EPS8: variants seen among roughly 807,000 people sequenced by gnomAD.
EPS8 encodes the protein EGFR pathway substrate 8, signaling adaptor.
Under a neutral mutation model 103.8 loss-of-function variants are expected in EPS8, and 42 were observed. The observed-to-expected ratio is 0.40, with a 90% CI of 0.32 to 0.52. The LOEUF (loss-of-function observed/expected upper bound fraction) is 0.52. Ranked by LOEUF, EPS8 falls within the 20% of genes least tolerant of loss-of-function variation. EPS8 has a pLI of 0.40. For synonymous variants in EPS8, 344 were observed against 344.6 expected (o/e 1.00, Z 0.02); for missense variants, 969 against 1,005.1 (o/e 0.96, Z 0.49).
chr12:15,774,665 C>CAT (rs969559605), intron 1 of EPS8, among the ~76,000 whole-genome samples: 1 of 146,416 alleles, frequency 6.8e-6, no homozygotes, highest in Non-Finnish European at 1.5e-5. Context: ...TATATACACA[C>CAT]ATATATATAT....
In EPS8 at chr12:15,682,984, A is replaced by AAGACACAT; in HGVS notation, c.-21-20_-21-13dup. Reference sequence around the variant, plus strand: ...TTCACTTGTGTGTTCTAAAAAAAGAAAGACACATAGATTAAAGGCAATAAA... The same window carrying AAGACACAT: ...TTCACTTGTGTGTTCTAAAAAAAGAAAGACACATAGACACATAGATTAAAGGCAATAAA... On this transcript the variant is annotated splice_polypyrimidine_tract_variant and intron_variant, in intron 1 of 20. Transcript: ENST00000281172. 6.8e-7 allele frequency: 1 copy of AAGACACAT among 1,461,922 alleles called. No homozygotes were observed. Among genetic ancestry groups the AAGACACAT allele is most frequent in the Non-Finnish European group, 9.4e-7 (1 of 1,068,430 alleles). The allele number at this position is 1,461,922 out of a possible 1,614,324, so 90.6% of individuals were successfully genotyped here.
rs1289619401 is a variant in EPS8, at chr12:15,631,464, T to C, written c.2022A>G (p.Arg674=). 4 of 1,614,050 alleles carry C rather than the reference T, an allele frequency of 2.5e-6. No individual in the cohort carries two copies. Among genetic ancestry groups the C allele is most frequent in the Non-Finnish European group, 3.4e-6 (4 of 1,179,940 alleles). ...SGGSIVRDSQ[R]HKQLPVDRRK... is the part of the protein sequence containing the mutation. ...TACGGTCCACCGGAAGTTGTTTGTG[T>C]CTCTGGCTGTCTCGCACGATACTGC... is the stretch of plus-strand genomic sequence containing the variant. Residue 674 remains arginine, a synonymous_variant, in exon 18 of 21, where the codon AGA becomes AGG. Coordinates refer to ENST00000281172, the MANE Select transcript of EPS8 (RefSeq NM_004447.6).
intron 6 of EPS8, among the ~76,000 whole-genome samples, chr12:15,666,898 A>C (rs1945722863): frequency 6.6e-6 from 1 of 152,172 alleles, no homozygotes; most frequent in Non-Finnish European, 1.5e-5. Context: ...CATCCTCAAG[A>C]TCCACTGGAC....
intron 15 of EPS8, among the ~76,000 whole-genome samples, chr12:15,644,138 T>A (rs1945279417): frequency 1.3e-5 from 2 of 152,326 alleles, no homozygotes. Context: ...TATGCTTCTG[T>A]AACAATAGCT....
At chr12:15,722,122 C>T (rs939310887) in intron 1 of EPS8, among the ~76,000 whole-genome samples, 24 of 151,432 alleles carry the variant, frequency 1.6e-4, no homozygotes, top group African/African-American at 4.6e-4. Flanking sequence ...CTTTTGGCTT[C>T]CCTGGGCTAC....
Position 15,681,244 on chromosome 12 carries a change from T to C in EPS8, c.118A>G (p.Ser40Gly). 6.4e-7 allele frequency: 1 copy of C among 1,570,386 alleles called. No individual in the cohort carries two copies. Among genetic ancestry groups the C allele is most frequent in the East Asian group, 2.3e-5 (1 of 43,146 alleles). The part of the protein sequence containing the change: ...QTDREHGSKT[S>G]AKALYEQRKN... ...AACCTACCATAAAGGGCCTTTGCAC[T>C]TGTTTTTGAACCATGTTCTCTGTCC... Residue 40 changes from serine to glycine, a missense_variant, in exon 3 of 21, where the codon AGT becomes GGT. Transcript: ENST00000281172.
Position 15,704,046 on chromosome 12 carries a change from A to G in EPS8, c.-21-21074T>C, listed in dbSNP as rs915152692. Among the ~76,000 whole-genome samples the G allele has an allele frequency of 5.5e-4, 83 of 152,164 alleles. No homozygotes were observed. The highest frequency in any genetic ancestry group is 1.9e-3 in the African/African-American group (78 of 41,524). On this transcript the variant is annotated intron_variant, in intron 1 of 20. Transcript: ENST00000281172. This position sits in a 1 kb window ranked among gnomAD's most constrained non-coding sequence, Gnocchi z 4.6. ...AATCCAATGAAGCTATCTTCATCCTATTTTAGAAAGTTCATTGTAAAATTC... is the reference window on the plus strand; with the variant it reads ...AATCCAATGAAGCTATCTTCATCCTGTTTTAGAAAGTTCATTGTAAAATTC...
At chr12:15,675,020 G>C (rs1328537818) in intron 3 of EPS8, among the ~76,000 whole-genome samples, 1 of 152,150 alleles carries the variant, frequency 6.6e-6, no homozygotes, top group African/African-American at 2.4e-5. Context: ...CCAAGATCAG[G>C]AGATAGACAA....
At chr12:15,765,800 GTGGTTTTTTTTTTT>G (rs1185195896) in intron 1 of EPS8, among the ~76,000 whole-genome samples, 80 of 150,486 alleles carry the variant, frequency 5.3e-4, no homozygotes, top group African/African-American at 1.8e-3. Context: ...TTGGAGAAAA[GTGGTTTTTTTTTTT>G]TGGTTTTTTT....
intron 18 of EPS8, 133 bp from the exon 19 acceptor site, chr12:15,624,540 T>C (rs1944913736): frequency 1.7e-6 from 1 of 601,784 alleles, no homozygotes. Flanking sequence ...TTTCCTCACT[T>C]TTATCCTCGC....
In EPS8 at chr12:15,713,862, A is replaced by C. The variant is rs890408723; in HGVS notation, c.-21-30890T>G. Among the ~76,000 whole-genome samples, 3 of 152,226 alleles carry C rather than the reference A, an allele frequency of 2.0e-5. No individual in the cohort carries two copies. The highest frequency in any genetic ancestry group is 7.2e-5 in the African/African-American group (3 of 41,448). ...ACAGGGGAAATGCTATAAATGCTAT[A>C]AGAAATTAAAATCCTAAACCTATGA... On this transcript the variant is annotated intron_variant, in intron 1 of 20. Transcript: ENST00000281172. The surrounding 1 kb of genome is among the most constrained non-coding windows in gnomAD (Gnocchi z 4.8).
rs1246138902 is a variant in EPS8 at position 15,688,765 on chromosome 12, T to G, written c.-21-5793A>C. Among the ~76,000 whole-genome samples, 16 of 152,078 alleles carry G rather than the reference T, an allele frequency of 1.1e-4. No homozygotes were observed. The highest frequency in any genetic ancestry group is 1.0e-3 in the Admixed American group (16 of 15,272). ...CTAAGCCCACGTGTGATCCGATTCT[T>G]CCCATACGCCAAGGCAATAACCCCA... is the stretch of plus-strand genomic sequence containing the variant. On this transcript the variant is annotated intron_variant, in intron 1 of 20. Transcript: ENST00000281172. The surrounding 1 kb of genome is among the most constrained non-coding windows in gnomAD (Gnocchi z 5.1).
rs944991236 is a variant in EPS8 at position 15,701,869 on chromosome 12, G to A, written c.-21-18897C>T. Among the ~76,000 whole-genome samples the A allele has an allele frequency of 3.3e-5, 5 of 152,102 alleles. No individual in the cohort carries two copies. The highest frequency in any genetic ancestry group is 7.4e-5 in the Non-Finnish European group (5 of 67,996). ...GCAATTAAATGGGATCTTGCTGTTT[G>A]TTTCCTCTTGAGTAATCTAGACTAA... On this transcript the variant is annotated intron_variant, in intron 1 of 20. Transcript: ENST00000281172. This position sits in a 1 kb window ranked among gnomAD's most constrained non-coding sequence, Gnocchi z 5.1.
intron 18 of EPS8, among the ~76,000 whole-genome samples, chr12:15,629,843 G>A (rs1317115538): frequency 6.6e-6 from 1 of 152,086 alleles, no homozygotes; most frequent in Non-Finnish European, 1.5e-5. Flanking sequence ...TATCAAGAAT[G>A]TCCACAACTG....
rs140031995 is a variant in EPS8, at chr12:15,692,411, T to A, written c.-21-9439A>T. Among the ~76,000 whole-genome samples, 440 of 149,664 alleles carry A rather than the reference T, an allele frequency of 2.9e-3. 2 individuals are homozygous for A. Among genetic ancestry groups the A allele is most frequent in the Non-Finnish European group, 4.4e-3 (298 of 67,548 alleles). ...CCCTGCTGAATGTTAGGGGCCACTC[T>A]GACTCCCAATTTTTTGTATAGAGCC... On this transcript the variant is annotated intron_variant, in intron 1 of 20. Transcript: ENST00000281172.
At chr12:15,665,622 C>A (rs1044809053) in intron 8 of EPS8, 134 bp downstream of exon 8, 6 of 1,062,946 alleles carry the variant, frequency 5.6e-6, no homozygotes, top group African/African-American at 1.6e-5. Context: ...TGAGCCACTG[C>A]GCCCGGCCAG....
intron 18 of EPS8, among the ~76,000 whole-genome samples, chr12:15,628,151 G>T (rs1944981671): frequency 6.6e-6 from 1 of 151,964 alleles, no homozygotes; most frequent in South Asian, 2.1e-4. Flanking sequence ...ACTATTGATT[G>T]TTACATTTAA....
intron 1 of EPS8, among the ~76,000 whole-genome samples, chr12:15,782,868 A>G (rs1947274263): frequency 6.6e-6 from 1 of 152,198 alleles, no homozygotes. Flanking sequence ...GTAACCGCTT[A>G]GTCCACTGTG....
Position 15,626,866 on chromosome 12 carries a change from A to G in EPS8, c.2045-2459T>C, listed in dbSNP as rs538389476. Among the ~76,000 whole-genome samples the G allele has an allele frequency of 1.1e-4, 17 of 152,186 alleles. No individual in the cohort carries two copies. The South Asian group carries it at 3.3e-3, about 30-fold the overall frequency. On this transcript the variant is annotated intron_variant, in intron 18 of 20. Transcript: ENST00000281172. ...GGAATGCTTTCCCCCGCATCTCCAC[A>G]TAGCTTACTCCTCCCCACCTTTCTA...
Sources: gnomAD v4.1 joint callset for allele counts (sites outside exome capture counted in the v4.1 genomes callset) on GRCh38, gnomAD v4.1.1 for gene constraint, Gnocchi (gnomAD v3.1) non-coding constraint, MANE v1.5 for transcripts, NCBI Gene and HGNC (gene_info 2026-07-23, HGNC 2026-07-21) for gene names.